The following TTLL1 variants were observed in gnomAD, a reference collection of about 807,000 sequenced individuals.
The protein encoded by TTLL1 is TTL family tubulin polyglutamylase complex subunit L1.
Under a neutral mutation model 47.8 loss-of-function variants are expected in TTLL1, and 33 were observed. That is an observed-to-expected ratio of 0.69 (90% confidence interval 0.52 to 0.92). The LOEUF (loss-of-function observed/expected upper bound fraction) is 0.92, where lower values mean the gene tolerates loss of function less well. Ranked by LOEUF, TTLL1 falls within the 40% of genes least tolerant of loss-of-function variation. The probability of loss-of-function intolerance (pLI) is 0.00; values close to 1 mark genes in which losing one functional copy is unlikely to be tolerated. For missense variants in TTLL1, 488 were observed against 547.5 expected (o/e 0.89, Z 1.08); for synonymous variants, 225 against 214.1 (o/e 1.05, Z -0.45).
intron 3 of TTLL1, among the ~76,000 whole-genome samples, chr22:43,072,742 G>A (rs776976092): frequency 6.6e-6 from 1 of 152,172 alleles, no homozygotes; most frequent in Non-Finnish European, 1.5e-5. Context: ...AAAAGGCTGG[G>A]ATTACAGGCA....
rs772884426 is a variant in TTLL1, at chr22:43,075,493, C to G, written c.94G>C (p.Glu32Gln). The G allele has an allele frequency of 3.1e-6, 5 of 1,614,092 alleles. No homozygotes were observed. In the South Asian group the frequency reaches 5.5e-5, roughly 18 times the overall value. ...KRGWVQVTEN[E>Q]DWNFYWMSVQ... is the part of the protein sequence containing the mutation. ...GCTTACCAGTAAAAATTCCAGTCCT[C>G]GTTTTCTGTCACTTGGACCCATCCT... Residue 32 changes from glutamate to glutamine, a missense_variant, in exon 3 of 11, where the codon GAG becomes CAG. Glu to Gln is a conservative substitution (Grantham distance 29). Transcript: ENST00000266254.
chr22:43,045,010 G>C (rs962255504), intron 10 of TTLL1, among the ~76,000 whole-genome samples: 1 of 151,914 alleles, frequency 6.6e-6, no homozygotes, highest in African/African-American at 2.4e-5. Flanking sequence ...TTACAAGCGC[G>C]CACTACCACA....
chr22:43,062,464 C>G (rs574470920), intron 7 of TTLL1, among the ~76,000 whole-genome samples: 1 of 146,834 alleles, frequency 6.8e-6, no homozygotes, highest in African/African-American at 2.6e-5. Context: ...GCACTCCAGC[C>G]TGGCAACAGA....
In TTLL1 at chr22:43,078,139, TATC is replaced by T. The variant is rs530327109; in HGVS notation, c.-5+1760_-5+1762del. 7.2e-5 allele frequency among the ~76,000 whole-genome samples: 11 copies of T among 151,882 alleles called. 1 individual carries two copies. In the South Asian group the frequency reaches 1.5e-3, roughly 20 times the overall value. ...AAAGCACTCAAGAGACATTCACTAT[TATC>T]ATCATCATCCCCACTGCACCAATGA... On this transcript the variant is annotated intron_variant, in intron 2 of 10. Coordinates refer to ENST00000266254, the MANE Select transcript of TTLL1 (RefSeq NM_012263.5).
intron 9 of TTLL1, among the ~76,000 whole-genome samples, chr22:43,049,995 G>T (rs1227239014): frequency 6.6e-6 from 1 of 152,058 alleles, no homozygotes; most frequent in East Asian, 1.9e-4. Flanking sequence ...ACTCCAGGAG[G>T]CTGAGGCAGG....
rs576345613 is a variant in TTLL1 at position 43,042,034 on chromosome 22, C to T, written c.1143-2129G>A. Among the ~76,000 whole-genome samples, 421 of 152,240 alleles carry T rather than the reference C, an allele frequency of 2.8e-3. 2 individuals are homozygous for T. Among genetic ancestry groups the T allele is most frequent in the African/African-American group, 9.9e-3 (413 of 41,550 alleles). ...GGGGTCCTCCAGGAAGCCTCCCTGG[C>T]GCCTCTCCACAGGATCAGATACCCC... On this transcript the variant is annotated intron_variant, in intron 10 of 10. Coordinates refer to ENST00000266254, the MANE Select transcript of TTLL1 (RefSeq NM_012263.5).
intron 7 of TTLL1, 24 bp from the exon 8 acceptor site, chr22:43,059,551 C>T (rs768051996): frequency 2.5e-6 from 4 of 1,604,910 alleles, no homozygotes; most frequent in South Asian, 2.2e-5. Flanking sequence ...AGCGGGCAGG[C>T]ATCCCTCAGG....
At chr22:43,045,200 T>C (rs992872883) in intron 10 of TTLL1, among the ~76,000 whole-genome samples, 3 of 152,096 alleles carry the variant, frequency 2.0e-5, no homozygotes, top group African/African-American at 7.2e-5. Flanking sequence ...GACCGCAGAA[T>C]GAATGAACCA....
intron 3 of TTLL1, among the ~76,000 whole-genome samples, chr22:43,072,255 G>A (rs934845204): frequency 6.7e-5 from 10 of 149,932 alleles, no homozygotes; most frequent in Admixed American, 1.4e-4. Context: ...CCGGGTTCAC[G>A]CCATTCTCCT....
intron 7 of TTLL1, among the ~76,000 whole-genome samples, chr22:43,061,086 G>C (rs2146972635): frequency 6.6e-6 from 1 of 152,186 alleles, no homozygotes; most frequent in East Asian, 1.9e-4. Flanking sequence ...GTTACTCGGG[G>C]GGCTGAGGCA....
intron 7 of TTLL1, among the ~76,000 whole-genome samples, chr22:43,062,665 A>G (rs1927462657): frequency 6.6e-6 from 1 of 151,774 alleles, no homozygotes. Context: ...CCCCATCTCT[A>G]CTAAAATACA....
chr22:43,082,834 C>T (rs868110554), intron 1 of TTLL1, among the ~76,000 whole-genome samples: 218 of 145,928 alleles, frequency 1.5e-3, no homozygotes, highest in African/African-American at 5.3e-3. Context: ...GCCAACATGG[C>T]GAAACCCCGT....
chr22:43,080,927 T>A (rs1928842177), intron 1 of TTLL1, among the ~76,000 whole-genome samples: 1 of 99,742 alleles, frequency 1.0e-5, no homozygotes, highest in African/African-American at 4.1e-5. Context: ...TTTTTTTTTT[T>A]TTTTTTTTAG....
chr22:43,047,083 T>G (rs185066199), intron 9 of TTLL1, among the ~76,000 whole-genome samples: 1 of 152,154 alleles, frequency 6.6e-6, no homozygotes, highest in African/African-American at 2.4e-5. Flanking sequence ...TACTTAAAGG[T>G]AGGATTAGAA....
intron 10 of TTLL1, among the ~76,000 whole-genome samples, chr22:43,045,719 C>G (rs367586445): frequency 1.3e-5 from 2 of 151,960 alleles, no homozygotes; most frequent in Admixed American, 6.6e-5. Context: ...CCAGGTGACC[C>G]GTGAGAAACA....
chr22:43,053,094 C>T (rs1200058698), intron 8 of TTLL1, among the ~76,000 whole-genome samples: 2 of 151,812 alleles, frequency 1.3e-5, no homozygotes, highest in African/African-American at 2.4e-5. Context: ...AACACAAAAC[C>T]CCCCAAACCC....
At chr22:43,063,621 T>C (rs1927531988) in intron 7 of TTLL1, among the ~76,000 whole-genome samples, 192 bp downstream of exon 7, 1 of 151,822 alleles carries the variant, frequency 6.6e-6, no homozygotes, top group African/African-American at 2.4e-5. Context: ...CCAGCCACCA[T>C]GGTAATTTCC....
chr22:43,044,247 C>CCA (rs34131658), intron 10 of TTLL1, among the ~76,000 whole-genome samples: 52,911 of 151,802 alleles, frequency 0.35, 9,258 homozygotes, highest in Middle Eastern at 0.45. Context: ...GAACAACCAA[C>CCA]CACACACTGA....
chr22:43,043,098 G>A (rs1321639846), intron 10 of TTLL1, among the ~76,000 whole-genome samples: 1 of 151,784 alleles, frequency 6.6e-6, no homozygotes, highest in Non-Finnish European at 1.5e-5. Flanking sequence ...CCACCACCAC[G>A]CCCGGCTAAT....
Sources: allele counts gnomAD v4.1 joint callset (sites outside exome capture counted in the v4.1 genomes callset), GRCh38; gene constraint gnomAD v4.1.1; transcripts MANE v1.5; gene names NCBI Gene and HGNC (gene_info 2026-07-23, HGNC 2026-07-21).